The following NAALADL2 variants were observed in gnomAD, a reference collection of about 807,000 sequenced individuals.
The protein encoded by NAALADL2 is N-acetylated alpha-linked acidic dipeptidase like 2.
In NAALADL2, 76 loss-of-function variants were observed where a neutral mutation model predicts 87.2. That is an observed-to-expected ratio of 0.87 (90% CI 0.72 to 1.05). The LOEUF is 1.05. NAALADL2 is among the 50% of genes least tolerant of loss of function. NAALADL2 has a pLI of 0.00. For missense variants in NAALADL2, 1,089 were observed against 945.8 expected (o/e 1.15, Z -1.99); for synonymous variants, 354 against 331.0 (o/e 1.07, Z -0.75).
At chr3:175,374,193 A>G (rs996907115) in intron 5 of NAALADL2, among the ~76,000 whole-genome samples, 21 of 152,082 alleles carry the variant, frequency 1.4e-4, no homozygotes, top group African/African-American at 4.6e-4. Context: ...TATTTTTAAT[A>G]TTGTGGCTTA....
chr3:175,770,086 A>C (rs192823040), intron 13 of NAALADL2, among the ~76,000 whole-genome samples: 1 of 152,270 alleles, frequency 6.6e-6, no homozygotes, highest in Non-Finnish European at 1.5e-5. Flanking sequence ...AACATCTGTA[A>C]GACACCTTCA....
intron 1 of NAALADL2, among the ~76,000 whole-genome samples, chr3:174,533,168 A>G (rs1007279401): frequency 1.6e-5 from 2 of 127,082 alleles, no homozygotes; most frequent in Non-Finnish European, 3.2e-5. Context: ...ACCCCAGCCA[A>G]TGGGGAAGGG....
intron 5 of NAALADL2, among the ~76,000 whole-genome samples, chr3:175,367,641 C>T (rs1243163715): frequency 6.6e-6 from 1 of 152,118 alleles, no homozygotes; most frequent in Non-Finnish European, 1.5e-5. Flanking sequence ...GGAGTTCACT[C>T]ATGATTTGGC....
chr3:174,796,391 T>G (rs1718093165), intron 3 of NAALADL2, among the ~76,000 whole-genome samples: 1 of 152,150 alleles, frequency 6.6e-6, no homozygotes, highest in Non-Finnish European at 1.5e-5. Flanking sequence ...TCCACCCTTC[T>G]GAGTCTCCAG....
intron 2 of NAALADL2, among the ~76,000 whole-genome samples, chr3:175,163,191 A>T (rs1733493770): frequency 6.6e-6 from 1 of 152,116 alleles, no homozygotes; most frequent in Non-Finnish European, 1.5e-5. Context: ...AGGTTATAGC[A>T]GAATAGGTTT....
intron 2 of NAALADL2, among the ~76,000 whole-genome samples, chr3:175,150,458 G>T (rs540317751): frequency 6.6e-6 from 1 of 152,034 alleles, no homozygotes; most frequent in Non-Finnish European, 1.5e-5. Context: ...GATATGACAG[G>T]TGCCAGTGCA....
Position 175,234,137 on chromosome 3 carries a change from C to A in NAALADL2, c.752C>A (p.Ala251Asp). The A allele has an allele frequency of 6.2e-7, 1 of 1,613,818 alleles. No homozygotes were observed. Among genetic ancestry groups the A allele is most frequent in the East Asian group, 2.2e-5 (1 of 44,866 alleles). Residue 251 changes from alanine (A) to aspartate (D), a missense_variant, in exon 3 of 14, where the codon GCC becomes GAC. Coordinates refer to ENST00000454872, the MANE Select transcript of NAALADL2 (RefSeq NM_207015.3). ...HPNGQPCSEE[A>D]RKDSSQDLLY... ...AATGGCCAGCCTTGCAGTGAAGAAGCCAGAAAAGATAGCAGCCAAGACCTG... is the reference window on the plus strand; with the variant it reads ...AATGGCCAGCCTTGCAGTGAAGAAGACAGAAAAGATAGCAGCCAAGACCTG...
intron 2 of NAALADL2, among the ~76,000 whole-genome samples, chr3:175,117,601 A>C (rs112535559): frequency 0.6 from 87,820 of 147,056 alleles, 26,713 homozygotes; most frequent in African/African-American, 0.72. Context: ...GCGATCATTA[A>C]AAAGTCAGGA....
intron 6 of NAALADL2, among the ~76,000 whole-genome samples, chr3:175,459,296 G>A (rs968795845): frequency 6.6e-5 from 10 of 152,010 alleles, no homozygotes; most frequent in Non-Finnish European, 2.9e-5. Flanking sequence ...TGGAAAATAA[G>A]ATAACTGAAA....
intron 1 of NAALADL2, among the ~76,000 whole-genome samples, chr3:175,041,940 A>G (rs1036931927): frequency 7.2e-5 from 11 of 152,170 alleles, no homozygotes; most frequent in Non-Finnish European, 1.5e-4. Flanking sequence ...TATGATGGGA[A>G]CAGTTAATAC....
At position 174,825,909 on chromosome 3, in the gene NAALADL2, C is replaced by T. The variant is rs1444583887; in HGVS notation, c.-9+88163C>T. 2.6e-5 allele frequency among the ~76,000 whole-genome samples: 4 copies of T among 152,054 alleles called. No homozygotes were observed. The South Asian group carries it at 8.3e-4, about 31-fold the overall frequency. On this transcript the variant is annotated intron_variant, in intron 3 of 3. Transcript: ENST00000434257. ...GGGCGTGGTGGCGGGCACCTGTAGT[C>T]CCAGCTACTCAGGAGGCTGAGGCAG... is the stretch of plus-strand genomic sequence containing the variant.
chr3:174,965,159 G>A (rs1386454747), intron 1 of NAALADL2, among the ~76,000 whole-genome samples: 1 of 152,134 alleles, frequency 6.6e-6, no homozygotes. Context: ...TGATTCTCCT[G>A]TAAGATGGCT....
chr3:174,474,140 T>A (rs2108316278), intron 1 of NAALADL2, among the ~76,000 whole-genome samples: 1 of 152,266 alleles, frequency 6.6e-6, no homozygotes, highest in Middle Eastern at 3.4e-3. Flanking sequence ...CCAAACCATA[T>A]CAGAGGCCAA....
intron 1 of NAALADL2, among the ~76,000 whole-genome samples, chr3:174,489,270 G>A (rs973406646): frequency 2.6e-5 from 4 of 151,904 alleles, no homozygotes; most frequent in South Asian, 2.1e-4. Flanking sequence ...TGGTGCTGAG[G>A]CAAGTAGATA....
chr3:174,592,872 G>T (rs1017115778), intron 2 of NAALADL2, among the ~76,000 whole-genome samples: 1 of 151,728 alleles, frequency 6.6e-6, no homozygotes, highest in Non-Finnish European at 1.5e-5. Flanking sequence ...AATTTAATGT[G>T]TTGAAGTTTG....
intron 1 of NAALADL2, among the ~76,000 whole-genome samples, chr3:174,862,829 G>A (rs182632919): frequency 2.0e-5 from 3 of 152,226 alleles, no homozygotes; most frequent in South Asian, 4.1e-4. Context: ...GATGTTTTGA[G>A]CGTTTCTAAT....
intron 9 of NAALADL2, among the ~76,000 whole-genome samples, chr3:175,510,377 T>G (rs929811940): frequency 7.9e-5 from 12 of 152,176 alleles, no homozygotes; most frequent in African/African-American, 2.2e-4. Flanking sequence ...GAATAAAAAT[T>G]GGAGGTCCCT....
intron 9 of NAALADL2, among the ~76,000 whole-genome samples, chr3:175,502,355 C>T (rs1226750025): frequency 2.0e-5 from 3 of 151,936 alleles, no homozygotes; most frequent in Non-Finnish European, 4.4e-5. Context: ...CTCATGCAAT[C>T]AGTTGAAAGG....
At chr3:174,997,098 G>C (rs1305519079) in intron 1 of NAALADL2, among the ~76,000 whole-genome samples, 6 of 148,518 alleles carry the variant, frequency 4.0e-5, no homozygotes, top group Non-Finnish European at 8.9e-5. Context: ...TGAGCACTTA[G>C]ATTGGTTTCA....
Sources: allele counts gnomAD v4.1 joint callset (sites outside exome capture counted in the v4.1 genomes callset), GRCh38; gene constraint gnomAD v4.1.1; transcripts MANE v1.5; gene names NCBI Gene and HGNC (gene_info 2026-07-23, HGNC 2026-07-21).